The following AKAP19 variants were observed in gnomAD, a reference collection of about 807,000 sequenced individuals.
The protein encoded by AKAP19 is A-kinase anchoring protein 19, also known as small A-kinase anchoring protein.
the AKAP19 span, among the ~76,000 whole-genome samples, chr2:189,894,846 G>T: frequency 2.0e-5 from 3 of 151,452 alleles, no homozygotes; most frequent in African/African-American, 7.3e-5. Context: ...TATCAGGAAA[G>T]ATTTGTTTTT....
the AKAP19 span, among the ~76,000 whole-genome samples, chr2:189,921,318 A>G: frequency 1.5e-4 from 23 of 152,210 alleles, no homozygotes; most frequent in Non-Finnish European, 1.5e-5. Context: ...TTGAAAGAAG[A>G]AATTATTTCA....
the AKAP19 span, among the ~76,000 whole-genome samples, chr2:190,185,625 G>A: frequency 1.3e-5 from 2 of 152,164 alleles, no homozygotes; most frequent in Non-Finnish European, 2.9e-5. Context: ...GAAGGGCTTA[G>A]GGAAATACCT....
At chr2:190,054,186 C>A in the AKAP19 span, among the ~76,000 whole-genome samples, 1 of 151,550 alleles carries the variant, frequency 6.6e-6, no homozygotes, top group Non-Finnish European at 1.5e-5. Flanking sequence ...GGAAATTGAA[C>A]CTATGAAAAC....
At chr2:189,955,134 A>G in the AKAP19 span, among the ~76,000 whole-genome samples, 3 of 151,848 alleles carry the variant, frequency 2.0e-5, no homozygotes, top group Admixed American at 6.6e-5. Flanking sequence ...AGTGTTCATT[A>G]TTTACTCTGT....
At chr2:190,118,147 C>T in the AKAP19 span, among the ~76,000 whole-genome samples, 2 of 152,156 alleles carry the variant, frequency 1.3e-5, no homozygotes, top group Non-Finnish European at 2.9e-5. Context: ...GACACATACA[C>T]CCTCCCAAGA....
At chr2:189,929,554 C>A in the AKAP19 span, among the ~76,000 whole-genome samples, 1 of 45,982 alleles carries the variant, frequency 2.2e-5, no homozygotes, top group Non-Finnish European at 1.1e-4. Flanking sequence ...GGTTTATTGA[C>A]ACTTTTTTTT....
At chr2:190,084,016 G>C in the AKAP19 span, among the ~76,000 whole-genome samples, 1 of 151,562 alleles carries the variant, frequency 6.6e-6, no homozygotes, top group East Asian at 1.9e-4. Flanking sequence ...GCATACATTA[G>C]AGTCAAATGG....
At chr2:190,002,495 A>T in the AKAP19 span, among the ~76,000 whole-genome samples, 1 of 152,212 alleles carries the variant, frequency 6.6e-6, no homozygotes, top group Non-Finnish European at 1.5e-5. Flanking sequence ...ATACATATGT[A>T]ACAAACCTGC....
chr2:190,127,467 C>T, the AKAP19 span, among the ~76,000 whole-genome samples: 1 of 151,748 alleles, frequency 6.6e-6, no homozygotes, highest in Non-Finnish European at 1.5e-5. Flanking sequence ...AAGCTGAGTA[C>T]TTGTGCATAT....
At chr2:189,966,395 C>A in the AKAP19 span, among the ~76,000 whole-genome samples, 4 of 152,126 alleles carry the variant, frequency 2.6e-5, no homozygotes, top group Non-Finnish European at 5.9e-5. Flanking sequence ...AATAAACCTT[C>A]AATTTGTAAA....
the AKAP19 span, among the ~76,000 whole-genome samples, chr2:189,905,888 T>C: frequency 6.6e-6 from 1 of 152,052 alleles, no homozygotes; most frequent in Non-Finnish European, 1.5e-5. Flanking sequence ...TTTACATTAA[T>C]TTTAGAATGG....
chr2:190,191,575 G>A, the AKAP19 span, among the ~76,000 whole-genome samples: 3 of 152,158 alleles, frequency 2.0e-5, no homozygotes, highest in Non-Finnish European at 4.4e-5. Context: ...CAGAGGCCAT[G>A]TCATTTTGCA....
At chr2:190,177,247 G>A in the AKAP19 span, among the ~76,000 whole-genome samples, 2 of 152,136 alleles carry the variant, frequency 1.3e-5, no homozygotes, top group Non-Finnish European at 2.9e-5. This position sits in a 1 kb window ranked among gnomAD's most constrained non-coding sequence, Gnocchi z 4.6. Flanking sequence ...GGGTGGAGGT[G>A]GTGGGAGCAG....
the AKAP19 span, among the ~76,000 whole-genome samples, chr2:190,109,820 C>A: frequency 6.6e-6 from 1 of 152,078 alleles, no homozygotes; most frequent in African/African-American, 2.4e-5. Flanking sequence ...GCTCACATAA[C>A]AAAATGAAAT....
At chr2:189,971,533 G>A in the AKAP19 span, among the ~76,000 whole-genome samples, 3 of 152,094 alleles carry the variant, frequency 2.0e-5, no homozygotes, top group African/African-American at 7.2e-5. Flanking sequence ...GGTATTTCTA[G>A]TTCTAGATCC....
At chr2:189,944,042 G>T in the AKAP19 span, among the ~76,000 whole-genome samples, 2 of 152,210 alleles carry the variant, frequency 1.3e-5, no homozygotes, top group Non-Finnish European at 2.9e-5. Flanking sequence ...AATGAATTAA[G>T]ACTTTAGGGG....
chr2:190,124,688 T>G, the AKAP19 span, among the ~76,000 whole-genome samples: 2 of 152,156 alleles, frequency 1.3e-5, no homozygotes, highest in Non-Finnish European at 2.9e-5. Context: ...CTAGCCTGGG[T>G]GACAGAGACC....
At chr2:189,967,283 G>A in the AKAP19 span, among the ~76,000 whole-genome samples, 1 of 152,306 alleles carries the variant, frequency 6.6e-6, no homozygotes, top group Admixed American at 6.5e-5. Flanking sequence ...TATCAACCTG[G>A]AATAGGGAAC....
the AKAP19 span, among the ~76,000 whole-genome samples, chr2:190,025,293 T>C: frequency 3.3e-5 from 5 of 152,188 alleles, no homozygotes; most frequent in Non-Finnish European, 7.3e-5. Flanking sequence ...TAGCAGAGCA[T>C]ACAAGGTGTT....
Sources: allele counts gnomAD v4.1 joint callset (sites outside exome capture counted in the v4.1 genomes callset), GRCh38; gene constraint gnomAD v4.1.1; non-coding constraint Gnocchi (gnomAD v3.1); transcripts MANE v1.5; gene names NCBI Gene and HGNC (gene_info 2026-07-23, HGNC 2026-07-21).